AGBL1: variants seen among roughly 807,000 people sequenced by gnomAD.
AGBL1 encodes the protein cytosolic carboxypeptidase 4.
A neutral mutation model predicts 118.9 loss-of-function variants in AGBL1; 130 were observed. The observed-to-expected ratio is 1.09, with a 90% confidence interval of 0.95 to 1.26. The LOEUF (loss-of-function observed/expected upper bound fraction) is 1.26, where lower values mean the gene tolerates loss of function less well. AGBL1 is among the 50% of genes most tolerant of loss of function. The probability of loss-of-function intolerance (pLI) is 0.00; values close to 1 mark genes in which losing one functional copy is unlikely to be tolerated. For missense variants in AGBL1, 1,584 were observed against 1,298.1 expected (o/e 1.22, Z -3.38); for synonymous variants, 555 against 478.9 (o/e 1.16, Z -2.08).
intron 21 of AGBL1, among the ~76,000 whole-genome samples, chr15:86,634,350 G>T (rs1175752747): frequency 6.6e-6 from 1 of 152,144 alleles, no homozygotes; most frequent in East Asian, 1.9e-4. Context: ...AACACAATGT[G>T]GTATTTCCAT....
chr15:86,827,554 T>C (rs1418663265), intron 22 of AGBL1, among the ~76,000 whole-genome samples: 6 of 120,798 alleles, frequency 5.0e-5, no homozygotes, highest in African/African-American at 1.5e-4. Flanking sequence ...TCCTGGGTTC[T>C]GAATGTATGA....
chr15:86,496,021 T>A (rs1236941349), intron 18 of AGBL1, among the ~76,000 whole-genome samples: 1 of 151,952 alleles, frequency 6.6e-6, no homozygotes, highest in Non-Finnish European at 1.5e-5. Flanking sequence ...TTTTTTAAAT[T>A]TTCAACCTGA....
chr15:86,997,268 A>T (rs1355409131), intron 24 of AGBL1, among the ~76,000 whole-genome samples: 1 of 152,124 alleles, frequency 6.6e-6, no homozygotes, highest in East Asian at 1.9e-4. Context: ...AACCAAATGC[A>T]TGGCCAACTT....
intron 21 of AGBL1, among the ~76,000 whole-genome samples, chr15:86,649,651 T>C (rs1206183123): frequency 3.3e-5 from 5 of 152,102 alleles, no homozygotes; most frequent in Non-Finnish European, 7.4e-5. Context: ...CTTTCATAAT[T>C]GATACCTTGT....
intron 22 of AGBL1, among the ~76,000 whole-genome samples, chr15:86,712,584 C>A (rs1008002122): frequency 2.6e-5 from 4 of 152,012 alleles, no homozygotes; most frequent in Non-Finnish European, 2.9e-5. Context: ...AAAAAAAATC[C>A]GCCTGTACTC....
At chr15:86,755,333 T>C (rs1342607395) in intron 22 of AGBL1, among the ~76,000 whole-genome samples, 3 of 152,012 alleles carry the variant, frequency 2.0e-5, no homozygotes, top group Non-Finnish European at 4.4e-5. Flanking sequence ...CATTTGAAGT[T>C]TGAGTTATTA....
At chr15:86,723,620 C>T (rs1372620151) in intron 22 of AGBL1, among the ~76,000 whole-genome samples, 4 of 151,752 alleles carry the variant, frequency 2.6e-5, no homozygotes, top group East Asian at 3.9e-4. Context: ...CTAACCTGCA[C>T]GTTGTGCACA....
intron 18 of AGBL1, among the ~76,000 whole-genome samples, chr15:86,463,150 A>G (rs2082354587): frequency 6.6e-6 from 1 of 152,184 alleles, no homozygotes; most frequent in Non-Finnish European, 1.5e-5. Flanking sequence ...GTGAGATGGT[A>G]TCTCATTGTG....
intron 1 of AGBL1, among the ~76,000 whole-genome samples, chr15:86,090,633 G>A (rs1401359813): frequency 2.6e-5 from 4 of 152,020 alleles, no homozygotes; most frequent in Admixed American, 2.0e-4. Context: ...ATAGAAGTAC[G>A]TTTTCTTCTA....
chr15:86,726,792 C>T (rs750137109), intron 22 of AGBL1, among the ~76,000 whole-genome samples: 3 of 152,062 alleles, frequency 2.0e-5, no homozygotes, highest in Admixed American at 6.6e-5. Flanking sequence ...TGGGCTCAAG[C>T]GATCCTCCTG....
At chr15:86,680,719 A>G (rs909492786) in intron 22 of AGBL1, among the ~76,000 whole-genome samples, 11 of 151,312 alleles carry the variant, frequency 7.3e-5, no homozygotes, top group Non-Finnish European at 1.6e-4. Context: ...GGTGCCCACC[A>G]TCATGCGTGG....
intron 23 of AGBL1, among the ~76,000 whole-genome samples, chr15:86,973,724 G>A (rs2081134564): frequency 2.6e-5 from 4 of 151,554 alleles, no homozygotes. Flanking sequence ...TGTGGTGAAA[G>A]GAGCATTCTC....
chr15:86,313,374 A>G (rs2079949558), intron 17 of AGBL1, among the ~76,000 whole-genome samples: 1 of 152,228 alleles, frequency 6.6e-6, no homozygotes, highest in African/African-American at 2.4e-5. Context: ...CGCAAACAAC[A>G]TTTATTCCTT....
chr15:86,791,609 C>T (rs2078493964), intron 22 of AGBL1, among the ~76,000 whole-genome samples: 2 of 152,008 alleles, frequency 1.3e-5, no homozygotes, highest in Admixed American at 6.6e-5. Context: ...TTGAAACTCT[C>T]TTGGATACCT....
At chr15:86,171,590 G>A (rs978766818) in intron 5 of AGBL1, among the ~76,000 whole-genome samples, 7 of 152,104 alleles carry the variant, frequency 4.6e-5, no homozygotes, top group Admixed American at 3.3e-4. Context: ...TGAAGGACAG[G>A]TGTCACAAAT....
chr15:86,728,292 G>A (rs1231144563), intron 22 of AGBL1, among the ~76,000 whole-genome samples: 3 of 152,186 alleles, frequency 2.0e-5, no homozygotes, highest in African/African-American at 7.2e-5. Flanking sequence ...TCCATCATGT[G>A]ACACTATTTA....
chr15:86,739,443 CAAA>C (rs34530266), intron 22 of AGBL1, among the ~76,000 whole-genome samples: 8 of 66,612 alleles, frequency 1.2e-4, no homozygotes, highest in Middle Eastern at 0.013. Flanking sequence ...AACTCCATCT[CAAA>C]AAAAAAAAAA....
At chr15:86,527,610 T>A (rs1283356336) in intron 19 of AGBL1, among the ~76,000 whole-genome samples, 1 of 152,188 alleles carries the variant, frequency 6.6e-6, no homozygotes, top group African/African-American at 2.4e-5. Context: ...AGATTTCCAC[T>A]GCGACGAGAT....
intron 24 of AGBL1, among the ~76,000 whole-genome samples, chr15:87,006,180 C>T (rs2081500533): frequency 6.6e-6 from 1 of 152,208 alleles, no homozygotes; most frequent in African/African-American, 2.4e-5. Flanking sequence ...GTTCTTAGAT[C>T]TCCAGCTGCA....
Sources: gnomAD v4.1 joint callset for allele counts (sites outside exome capture counted in the v4.1 genomes callset) on GRCh38, gnomAD v4.1.1 for gene constraint, MANE v1.5 for transcripts, NCBI Gene and HGNC (gene_info 2026-07-23, HGNC 2026-07-21) for gene names.